Variants in RERE observed in about 807,000 individuals in gnomAD.
RERE encodes the protein arginine-glutamic acid dipeptide repeats protein.
In RERE, 40 loss-of-function variants were observed where a neutral mutation model predicts 146.1. The observed-to-expected ratio is 0.27, with a 90% confidence interval of 0.21 to 0.36. The LOEUF (loss-of-function observed/expected upper bound fraction) is 0.36. RERE is among the 10% of genes least tolerant of loss of function. The probability of loss-of-function intolerance (pLI) is 1.00; values close to 1 mark genes in which losing one functional copy is unlikely to be tolerated. For synonymous variants in RERE, 1,003 were observed against 866.0 expected (o/e 1.16, Z -2.78); for missense variants, 1,933 against 2,138.7 (o/e 0.90, Z 1.90).
intron 1 of RERE, among the ~76,000 whole-genome samples, chr1:8,727,925 C>T (rs1008451420): frequency 3.9e-5 from 6 of 152,200 alleles, no homozygotes; most frequent in South Asian, 2.1e-4. Flanking sequence ...AAAACAAAGA[C>T]CACTTGTAGC....
At chr1:8,708,040 A>G (rs2124451348) in intron 1 of RERE, among the ~76,000 whole-genome samples, 1 of 152,356 alleles carries the variant, frequency 6.6e-6, no homozygotes, top group African/African-American at 2.4e-5. Context: ...TAGTAAAAAC[A>G]GGGTTCAGTA....
At chr1:8,521,002 A>G (rs1016357419) in intron 7 of RERE, among the ~76,000 whole-genome samples, 1 of 152,038 alleles carries the variant, frequency 6.6e-6, no homozygotes, top group Non-Finnish European at 1.5e-5. Flanking sequence ...AAACATGACA[A>G]TTGCCTTATT....
chr1:8,542,551 G>A (rs1645811928), intron 6 of RERE, among the ~76,000 whole-genome samples: 1 of 152,162 alleles, frequency 6.6e-6, no homozygotes, highest in Non-Finnish European at 1.5e-5. Flanking sequence ...GCCAGGCACA[G>A]TGACTTCACA....
chr1:8,410,241 A>G (rs1643576080), intron 12 of RERE, among the ~76,000 whole-genome samples: 1 of 152,114 alleles, frequency 6.6e-6, no homozygotes, highest in South Asian at 2.1e-4. Context: ...GGCTGGGGCC[A>G]TTGTTGCCAC....
At chr1:8,448,732 G>A (rs1644354840) in intron 11 of RERE, among the ~76,000 whole-genome samples, 2 of 152,172 alleles carry the variant, frequency 1.3e-5, no homozygotes, top group Non-Finnish European at 2.9e-5. Context: ...GGGAGGCTGA[G>A]GCAGTAGAAT....
At chr1:8,435,319 C>T (rs969765983) in intron 11 of RERE, among the ~76,000 whole-genome samples, 10 of 152,200 alleles carry the variant, frequency 6.6e-5, no homozygotes, top group Admixed American at 5.9e-4. Flanking sequence ...ATATCCCCAG[C>T]ACCTAGAACA....
At chr1:8,499,949 G>A (rs1038816705) in intron 8 of RERE, among the ~76,000 whole-genome samples, 1 of 152,182 alleles carries the variant, frequency 6.6e-6, no homozygotes, top group African/African-American at 2.4e-5. Flanking sequence ...GTGAAACCCT[G>A]TCTCTACGAA....
At chr1:8,784,442 G>A (rs896263365) in intron 1 of RERE, among the ~76,000 whole-genome samples, 50 of 151,982 alleles carry the variant, frequency 3.3e-4, no homozygotes, top group Admixed American at 3.1e-3. Context: ...CACAGAGGCA[G>A]GGTTTTTAGG....
intron 3 of RERE, among the ~76,000 whole-genome samples, chr1:8,621,275 G>A (rs1194568867): frequency 2.0e-5 from 3 of 152,090 alleles, no homozygotes; most frequent in African/African-American, 2.4e-5. Context: ...GCAGAGTAGA[G>A]AAGACAACCC....
chr1:8,452,867 G>T (rs1296864775), intron 11 of RERE, among the ~76,000 whole-genome samples: 1 of 152,154 alleles, frequency 6.6e-6, no homozygotes, highest in Non-Finnish European at 1.5e-5. Context: ...AAGATACTCA[G>T]GCTCAGTAGA....
intron 4 of RERE, among the ~76,000 whole-genome samples, chr1:8,564,033 G>C (rs1487801129): frequency 1.3e-5 from 2 of 152,174 alleles, no homozygotes; most frequent in Admixed American, 6.5e-5. Flanking sequence ...AGTTTAAAGA[G>C]GCATTAACTC....
chr1:8,701,182 T>TG (rs1280017320), intron 1 of RERE, among the ~76,000 whole-genome samples: 1 of 152,056 alleles, frequency 6.6e-6, no homozygotes, highest in African/African-American at 2.4e-5. Flanking sequence ...TGAGCCTTAC[T>TG]GATACGTTGA....
chr1:8,675,798 C>T (rs959509341), intron 1 of RERE, among the ~76,000 whole-genome samples: 1 of 150,286 alleles, frequency 6.7e-6, no homozygotes, highest in African/African-American at 2.4e-5. Context: ...GGTTGAGTAT[C>T]CCTTATTTGA....
At chr1:8,603,594 A>C (rs572435980) in intron 4 of RERE, among the ~76,000 whole-genome samples, 2 of 152,356 alleles carry the variant, frequency 1.3e-5, no homozygotes, top group African/African-American at 4.8e-5. Context: ...TGCCTTTTAT[A>C]GCTGCATTAG....
chr1:8,657,495 T>C (rs564146086), intron 1 of RERE, among the ~76,000 whole-genome samples: 65 of 152,302 alleles, frequency 4.3e-4, no homozygotes, highest in African/African-American at 1.5e-3. Context: ...AGTTACATTT[T>C]ACACATCTTT....
intron 1 of RERE, among the ~76,000 whole-genome samples, chr1:8,700,481 C>A (rs530899926): frequency 2.0e-5 from 3 of 152,084 alleles, no homozygotes; most frequent in Non-Finnish European, 4.4e-5. Flanking sequence ...CTCATAAATA[C>A]TTTCTAATAA....
At chr1:8,400,173 A>G (rs1208046553) in intron 12 of RERE, among the ~76,000 whole-genome samples, 3 of 145,982 alleles carry the variant, frequency 2.1e-5, no homozygotes, top group Non-Finnish European at 4.6e-5. Flanking sequence ...TAATATAAAT[A>G]TATCACCTAC....
intron 4 of RERE, among the ~76,000 whole-genome samples, chr1:8,609,404 G>A (rs1646763644): frequency 6.6e-6 from 1 of 151,992 alleles, no homozygotes; most frequent in East Asian, 1.9e-4. Context: ...ATTATAAGTC[G>A]ACAGCTAGTA....
chr1:8,397,122 T>C (rs1025347895), intron 12 of RERE, among the ~76,000 whole-genome samples: 1 of 152,228 alleles, frequency 6.6e-6, no homozygotes, highest in Non-Finnish European at 1.5e-5. Flanking sequence ...CAGCTAAGAC[T>C]GGGTGCTCTG....
Sources: gnomAD v4.1 joint callset for allele counts (sites outside exome capture counted in the v4.1 genomes callset) on GRCh38, gnomAD v4.1.1 for gene constraint, MANE v1.5 for transcripts, NCBI Gene and HGNC (gene_info 2026-07-23, HGNC 2026-07-21) for gene names.